The following MYBPC2 variants were observed in gnomAD, a reference collection of about 807,000 sequenced individuals.
The protein encoded by MYBPC2 is myosin binding protein C2, also known as myosin-binding protein C, fast-type.
A neutral mutation model predicts 137.0 loss-of-function variants in MYBPC2; 122 were observed. The observed-to-expected ratio is 0.89, with a 90% CI of 0.77 to 1.03. The LOEUF is 1.03. Among genes scored for constraint, MYBPC2 ranks in the 50% least tolerant of loss-of-function variants. The pLI is 0.00. For missense variants in MYBPC2, 1,500 were observed against 1,534.4 expected (o/e 0.98, Z 0.37); for synonymous variants, 626 against 612.3 (o/e 1.02, Z -0.33).
rs71332004 is a variant in MYBPC2 at position 50,440,676 on chromosome 19, AC to A, written c.573-202del. 2.1e-3 allele frequency among the ~76,000 whole-genome samples: 296 copies of A among 142,440 alleles called. 4 individuals carry two copies. Among genetic ancestry groups the A allele is most frequent in the African/African-American group, 7.3e-3 (281 of 38,616 alleles). 93.4% of individuals were successfully genotyped at this position (142,440 alleles called of 152,430 possible). Reference sequence around the variant, plus strand: ...AGAATCTGTCTCAAAAAAAAAAAAAACCAAAAAACCCAGTGGGGACTGTGCT... The same window carrying A: ...AGAATCTGTCTCAAAAAAAAAAAAAACAAAAAACCCAGTGGGGACTGTGCT... On this transcript the variant is annotated intron_variant, in intron 7 of 27. Coordinates refer to ENST00000357701, the MANE Select transcript of MYBPC2 (RefSeq NM_004533.4).
chr19:50,454,420 GTTTTTT>G (rs36109908), intron 18 of MYBPC2, 51 bp downstream of exon 18: 659 of 737,772 alleles, frequency 8.9e-4, no homozygotes, highest in Admixed American at 1.1e-3. Flanking sequence ...TCTGCCTTCT[GTTTTTT>G]TTTTTTTTTT....
chr19:50,453,864 C>T lies in MYBPC2; in HGVS notation c.1750-156C>T, dbSNP rs749569008. 5.7e-4 allele frequency among the ~76,000 whole-genome samples: 87 copies of T among 151,914 alleles called. 1 individual carries two copies. Among genetic ancestry groups the T allele is most frequent in the Middle Eastern group, 3.2e-3 (1 of 316 alleles). ...CCAGTCTGGTGCTTTTAATGAAGGA[C>T]GGCATTTGGAGGGCGAGGAGGGCAG... On this transcript the variant is annotated intron_variant, in intron 16 of 27. Coordinates refer to ENST00000357701, the MANE Select transcript of MYBPC2 (RefSeq NM_004533.4).
At chr19:50,451,366 G>T (rs936015945) in intron 15 of MYBPC2, 57 bp downstream of exon 15, 45 of 1,593,198 alleles carry the variant, frequency 2.8e-5, no homozygotes, top group Non-Finnish European at 3.9e-5. Flanking sequence ...CCGGGCTGAG[G>T]GAGGAGGGGA....
chr19:50,458,639 C>A lies in MYBPC2; in HGVS notation c.2391C>A (p.Thr797=). Reference sequence around the variant, plus strand: ...AGCCCGTGGAGCGCTGTGGCTTCACCGTCAAGAATCTCCCGACCGGAGCCA... The same window carrying A: ...AGCCCGTGGAGCGCTGTGGCTTCACAGTCAAGAATCTCCCGACCGGAGCCA... ...NTEPVERCGF[T]VKNLPTGARI... is the part of the protein sequence containing the mutation. Residue 797 remains threonine, a synonymous_variant, in exon 21 of 28, where the codon ACC becomes ACA. Coordinates refer to ENST00000357701, the MANE Select transcript of MYBPC2 (RefSeq NM_004533.4). 1.9e-6 allele frequency: 3 copies of A among 1,612,942 alleles called. No homozygotes were observed. Among genetic ancestry groups the A allele is most frequent in the Non-Finnish European group, 1.7e-6 (2 of 1,179,884 alleles).
intron 12 of MYBPC2, among the ~76,000 whole-genome samples, chr19:50,446,366 A>G (rs1568661991): frequency 6.6e-6 from 1 of 151,344 alleles, no homozygotes; most frequent in Non-Finnish European, 1.5e-5. Flanking sequence ...CAAAAAAATT[A>G]GCTGGGCATT....
Position 50,461,909 on chromosome 19 carries a change from T to G in MYBPC2, c.3101T>G (p.Phe1034Cys), listed in dbSNP as rs376100512. 35 of 1,597,092 alleles carry G rather than the reference T, an allele frequency of 2.2e-5. No homozygotes were observed. Among genetic ancestry groups the G allele is most frequent in the Non-Finnish European group, 2.9e-5 (34 of 1,171,530 alleles). ...TARILKTGIT[F>C]KPFEYKEHDF... ...CATCCTCTCTCCCCAGGAATCACCTTCAAACCGTTCGAGTATAAGGAGCAT... is the reference window on the plus strand; with the variant it reads ...CATCCTCTCTCCCCAGGAATCACCTGCAAACCGTTCGAGTATAAGGAGCAT... Residue 1034 changes from phenylalanine (F) to cysteine (C), a missense_variant, in exon 26 of 28, where the codon TTC (phenylalanine) becomes TGC (cysteine). Coordinates refer to ENST00000357701, the MANE Select transcript of MYBPC2 (RefSeq NM_004533.4).
At chr19:50,458,872 C>A (rs778454374) in intron 21 of MYBPC2, 46 bp from the exon 22 acceptor site, 3 of 1,593,666 alleles carry the variant, frequency 1.9e-6, no homozygotes, top group Middle Eastern at 1.7e-4. Context: ...CCCTGGAATG[C>A]GCCCCGGCCC....
intron 6 of MYBPC2, 34 bp from the exon 7 acceptor site, chr19:50,437,625 G>A (rs780393593): frequency 6.1e-5 from 97 of 1,595,960 alleles, no homozygotes; most frequent in Non-Finnish European, 7.9e-5. Context: ...GAATCTGAAG[G>A]GTCAAGACTC....
Position 50,455,203 on chromosome 19 carries a change from A to T in MYBPC2, c.2110A>T (p.Ile704Phe). 1 of 1,613,918 alleles carries T rather than the reference A, an allele frequency of 6.2e-7. No homozygotes were observed. The highest frequency in any genetic ancestry group is 1.1e-5 in the South Asian group (1 of 91,062). ...GACCACCTATGAGTCCACCAAGATG[A>T]TCGAGGGCATCCTCTATGAGATGCG... ...TETTYESTKM[I>F]EGILYEMRVF... Residue 704 changes from isoleucine (I) to phenylalanine (F), a missense_variant, in exon 19 of 28, where the codon ATC (isoleucine) becomes TTC (phenylalanine). Transcript: ENST00000357701.
chr19:50,455,696 T>G (rs1340425371), intron 20 of MYBPC2, 52 bp downstream of exon 20: 3 of 1,600,846 alleles, frequency 1.9e-6, no homozygotes, highest in Non-Finnish European at 2.6e-6. Context: ...CAGGTGGGTA[T>G]CCAGTCCAGG....
intron 26 of MYBPC2, 150 bp from the exon 27 acceptor site, chr19:50,464,196 A>G (rs180737388): frequency 1.8e-5 from 12 of 659,512 alleles, no homozygotes; most frequent in East Asian, 1.1e-4. Context: ...ATAAGAGGAG[A>G]CTGAGGGTCA....
intron 24 of MYBPC2, 50 bp downstream of exon 24, chr19:50,460,229 C>T (rs1286118861): frequency 1.9e-6 from 3 of 1,551,146 alleles, no homozygotes; most frequent in South Asian, 1.3e-5. Context: ...GTGGGCAGAG[C>T]AGGTGCAGAT....
intron 24 of MYBPC2, 109 bp downstream of exon 24, chr19:50,460,288 G>A: frequency 7.0e-7 from 1 of 1,427,308 alleles, no homozygotes; most frequent in South Asian, 1.5e-5. Flanking sequence ...GAGGCTAGAG[G>A]ACGGGCTGGG....
intron 26 of MYBPC2, among the ~76,000 whole-genome samples, chr19:50,463,701 G>T (rs2039989831): frequency 6.6e-6 from 1 of 152,116 alleles, no homozygotes; most frequent in South Asian, 2.1e-4. Flanking sequence ...CACTTTGGGA[G>T]GCCGAGGCGG....
rs749467332 is a variant in MYBPC2, at chr19:50,436,667, G to A, written c.396G>A (p.Gly132=). 20 of 1,613,848 alleles carry A rather than the reference G, an allele frequency of 1.2e-5. 1 individual carries two copies. The Middle Eastern group carries it at 8.2e-4, about 66-fold the overall frequency. The change falls in exon 5 of 28, where the codon GGG becomes GGA. Residue 132 remains glycine (G), a synonymous_variant. Transcript: ENST00000357701. The part of the protein sequence containing the change: ...HIGKVVLGDR[G]YYRLEVKAKD... Reference sequence around the variant, plus strand: ...GGAAGGTGGTACTGGGGGACCGTGGGTATTACCGCCTCGAGGTCAAAGCCA... The same window carrying A: ...GGAAGGTGGTACTGGGGGACCGTGGATATTACCGCCTCGAGGTCAAAGCCA...
In MYBPC2 at chr19:50,459,281, C is replaced by T; in HGVS notation, c.2766C>T (p.Thr922=). The change falls in exon 23 of 28, where the codon ACC becomes ACT. Residue 922 remains threonine, a synonymous_variant. Transcript: ENST00000357701. ...TGCAGATCGAGAACATGAAGGACAC[C>T]GCCACCATCCGCATCCGCGTTGTGG... ...LSVQIENMKD[T]ATIRIRVVEK... 6.2e-7 allele frequency: 1 copy of T among 1,607,164 alleles called. No individual in the cohort carries two copies. The highest frequency in any genetic ancestry group is 8.5e-7 in the Non-Finnish European group (1 of 1,177,444).
chr19:50,463,646 A>G (rs970230054), intron 26 of MYBPC2, among the ~76,000 whole-genome samples: 1 of 152,182 alleles, frequency 6.6e-6, no homozygotes, highest in Non-Finnish European at 1.5e-5. Context: ...ATATAAAATT[A>G]TGAAGGGCTG....
At chr19:50,437,784 T>A in intron 7 of MYBPC2, 66 bp downstream of exon 7, 3 of 1,518,894 alleles carry the variant, frequency 2.0e-6, no homozygotes, top group Non-Finnish European at 2.7e-6. Context: ...TGGGTGAAGC[T>A]CCATGGCCCA....
rs1430589133 is a variant in MYBPC2, at chr19:50,465,636, G to C, written c.3416-559G>C. On this transcript the variant is annotated intron_variant, in intron 27 of 27. Coordinates refer to ENST00000357701, the MANE Select transcript of MYBPC2 (RefSeq NM_004533.4). The surrounding 1 kb of genome is among the most constrained non-coding windows in gnomAD (Gnocchi z 4.5). ...GCAGGCGAGTTGCTTGAGCCCAGGAGTTCAAGACCAGCCTGGGCAACATGG... is the reference window on the plus strand; with the variant it reads ...GCAGGCGAGTTGCTTGAGCCCAGGACTTCAAGACCAGCCTGGGCAACATGG... Among the ~76,000 whole-genome samples, 1 of 152,166 alleles carries C rather than the reference G, an allele frequency of 6.6e-6. No individual in the cohort carries two copies. Among genetic ancestry groups the C allele is most frequent in the Non-Finnish European group, 1.5e-5 (1 of 68,046 alleles).
Sources: allele counts gnomAD v4.1 joint callset (sites outside exome capture counted in the v4.1 genomes callset), GRCh38; gene constraint gnomAD v4.1.1; non-coding constraint Gnocchi (gnomAD v3.1); transcripts MANE v1.5; gene names NCBI Gene and HGNC (gene_info 2026-07-23, HGNC 2026-07-21).